Variants in TNKS observed in about 807,000 individuals in gnomAD.
TNKS encodes poly [ADP-ribose] polymerase tankyrase-1.
Under a neutral mutation model 135.8 loss-of-function variants are expected in TNKS, and 72 were observed. The observed-to-expected ratio is 0.53, with a 90% CI of 0.44 to 0.64. The LOEUF (loss-of-function observed/expected upper bound fraction) is 0.64, where lower values mean the gene tolerates loss of function less well. Ranked by LOEUF, TNKS falls within the 30% of genes least tolerant of loss-of-function variation. TNKS has a pLI of 0.00. For synonymous variants in TNKS, 849 were observed against 649.3 expected (o/e 1.31, Z -4.68); for missense variants, 1,769 against 1,674.0 (o/e 1.06, Z -0.99).
At chr8:9,686,183 C>CT (rs1173243169) in intron 5 of TNKS, among the ~76,000 whole-genome samples, 2 of 152,092 alleles carry the variant, frequency 1.3e-5, no homozygotes, top group Non-Finnish European at 2.9e-5. Flanking sequence ...CTGCTAGTTT[C>CT]TTTTTTTGTA....
At chr8:9,727,099 A>T (rs1805200127) in intron 13 of TNKS, among the ~76,000 whole-genome samples, 1 of 152,252 alleles carries the variant, frequency 6.6e-6, no homozygotes, top group Non-Finnish European at 1.5e-5. Flanking sequence ...GAGCCCAGAC[A>T]TTAGCAGGAT....
At chr8:9,596,137 G>C (rs372568270) in intron 2 of TNKS, among the ~76,000 whole-genome samples, 5 of 152,000 alleles carry the variant, frequency 3.3e-5, no homozygotes, top group African/African-American at 4.8e-5. Context: ...ACATACATAC[G>C]TACATACACA....
chr8:9,594,935 T>C (rs1798719463), intron 2 of TNKS, among the ~76,000 whole-genome samples: 1 of 152,232 alleles, frequency 6.6e-6, no homozygotes, highest in Non-Finnish European at 1.5e-5. Context: ...ATATCATTTA[T>C]AAATGAGCTA....
chr8:9,759,536 G>C (rs944069845), intron 20 of TNKS, among the ~76,000 whole-genome samples: 2 of 151,984 alleles, frequency 1.3e-5, no homozygotes, highest in Non-Finnish European at 2.9e-5. Context: ...TGGGTTTTTT[G>C]TATTCATTTT....
rs1808029887 is a variant in TNKS at position 9,773,109 on chromosome 8, A to G, written c.3897+2847A>G. ...TTTAAATCATAAACCTTTAACTTCT[A>G]GAAAAGAAGCTTTTTTTTAACTTTT... On this transcript the variant is annotated intron_variant, in intron 26 of 26. Coordinates refer to ENST00000310430, the MANE Select transcript of TNKS (RefSeq NM_003747.3). 2.6e-5 allele frequency among the ~76,000 whole-genome samples: 4 copies of G among 152,072 alleles called. No individual in the cohort carries two copies. The South Asian group carries it at 8.3e-4, about 32-fold the overall frequency.
At chr8:9,564,231 A>G (rs1370902906) in intron 1 of TNKS, among the ~76,000 whole-genome samples, 1 of 152,106 alleles carries the variant, frequency 6.6e-6, no homozygotes, top group Admixed American at 6.6e-5. Flanking sequence ...AGCATTCCCT[A>G]CCCCATCAAT....
chr8:9,734,015 G>A (rs1156649955), intron 15 of TNKS, among the ~76,000 whole-genome samples: 1 of 152,040 alleles, frequency 6.6e-6, no homozygotes, highest in Non-Finnish European at 1.5e-5. Context: ...ACGACCAGAT[G>A]TGTATTTATG....
chr8:9,565,252 C>A (rs528636875), intron 1 of TNKS, among the ~76,000 whole-genome samples: 15 of 152,012 alleles, frequency 9.9e-5, no homozygotes, highest in Admixed American at 1.3e-4. Context: ...GTGTCAGCTC[C>A]CCATTCAATT....
At chr8:9,630,154 C>A (rs928959327) in intron 3 of TNKS, among the ~76,000 whole-genome samples, 1 of 152,148 alleles carries the variant, frequency 6.6e-6, no homozygotes, top group Admixed American at 6.5e-5. Flanking sequence ...TTATTCATGG[C>A]CTGATTCCCA....
chr8:9,708,401 C>G lies in TNKS; in HGVS notation c.1487C>G (p.Ala496Gly). The G allele has an allele frequency of 6.2e-7, 1 of 1,608,266 alleles. No individual in the cohort carries two copies. The highest frequency in any genetic ancestry group is 8.5e-7 in the Non-Finnish European group (1 of 1,177,114). ...YEFKGHSLLQ[A>G]AREADLAKVK... ...TTTAAAGGTCATTCTTTACTACAAGCAGCCAGAGAAGCAGACTTAGCTAAA... is the reference window on the plus strand; with the variant it reads ...TTTAAAGGTCATTCTTTACTACAAGGAGCCAGAGAAGCAGACTTAGCTAAA... Residue 496 changes from alanine to glycine, a missense_variant, in exon 9 of 27, where the codon GCA (alanine) becomes GGA (glycine). Around this residue, in one of 5 missense-constraint regions of TNKS, gnomAD observed 523 missense variants for 541.0 expected, o/e 0.97. Transcript: ENST00000310430.
At chr8:9,753,362 A>T (rs1806653981) in intron 20 of TNKS, among the ~76,000 whole-genome samples, 1 of 152,302 alleles carries the variant, frequency 6.6e-6, no homozygotes, top group Non-Finnish European at 1.5e-5. Context: ...TTGCCCCTTT[A>T]TGAAGTTTCT....
chr8:9,559,635 A>G (rs959971276), intron 1 of TNKS, among the ~76,000 whole-genome samples: 1 of 152,012 alleles, frequency 6.6e-6, no homozygotes, highest in African/African-American at 2.4e-5. Flanking sequence ...CCCAGTGTGT[A>G]TTCTTCCCTT....
chr8:9,596,446 GTACTT>G (rs1275120867), intron 2 of TNKS, among the ~76,000 whole-genome samples: 1 of 152,080 alleles, frequency 6.6e-6, no homozygotes, highest in Non-Finnish European at 1.5e-5. Flanking sequence ...CTTTACATTT[GTACTT>G]TACTTTTAAA....
At chr8:9,768,640 C>A (rs116431862) in intron 25 of TNKS, among the ~76,000 whole-genome samples, 1,568 of 152,324 alleles carry the variant, frequency 0.01, 20 homozygotes, top group African/African-American at 0.033. Context: ...CAGCAACAGG[C>A]GAGCCCTGGG....
intron 3 of TNKS, among the ~76,000 whole-genome samples, chr8:9,620,247 G>A (rs1485857660): frequency 5.3e-5 from 8 of 151,936 alleles, no homozygotes; most frequent in African/African-American, 1.7e-4. Flanking sequence ...GTGCCCGGCC[G>A]GGACTCCTTT....
intron 3 of TNKS, among the ~76,000 whole-genome samples, chr8:9,670,427 C>T (rs1802223586): frequency 6.6e-6 from 1 of 152,148 alleles, no homozygotes; most frequent in Non-Finnish European, 1.5e-5. Flanking sequence ...CACATATCAG[C>T]TGTTTATATT....
intron 5 of TNKS, among the ~76,000 whole-genome samples, chr8:9,696,709 A>G (rs190557896): frequency 6.6e-6 from 1 of 152,192 alleles, no homozygotes; most frequent in Non-Finnish European, 1.5e-5. Flanking sequence ...AGTAGCCACA[A>G]ATAAAATGAA....
chr8:9,650,015 C>A (rs1283828184), intron 3 of TNKS, among the ~76,000 whole-genome samples: 1 of 150,572 alleles, frequency 6.6e-6, no homozygotes, highest in Non-Finnish European at 1.5e-5. Flanking sequence ...TCCTCAGCCT[C>A]CCAAGTAGCT....
chr8:9,569,949 A>G (rs545126399), intron 1 of TNKS, among the ~76,000 whole-genome samples: 59 of 151,572 alleles, frequency 3.9e-4, no homozygotes, highest in Non-Finnish European at 2.9e-4. Context: ...ATTGCCTTAA[A>G]TTTTTTTTGT....
Sources: gnomAD v4.1 joint callset for allele counts (sites outside exome capture counted in the v4.1 genomes callset) on GRCh38, gnomAD v4.1.1 for gene constraint, gnomAD v4.1.1 regional missense constraint, MANE v1.5 for transcripts, NCBI Gene and HGNC (gene_info 2026-07-23, HGNC 2026-07-21) for gene names.